The following WASF1 variants were observed in gnomAD, a reference collection of about 807,000 sequenced individuals.
WASF1 encodes actin-binding protein WASF1.
A neutral mutation model predicts 50.5 loss-of-function variants in WASF1; 7 were observed. The observed-to-expected ratio is 0.14, with a 90% CI of 0.08 to 0.26. The LOEUF is 0.26. Among genes scored for constraint, WASF1 ranks in the 10% least tolerant of loss-of-function variants. The pLI, the probability that WASF1 is intolerant of heterozygous loss-of-function variation, is 1.00. For missense variants in WASF1, 470 were observed against 694.7 expected (o/e 0.68, Z 3.64); for synonymous variants, 205 against 244.0 (o/e 0.84, Z 1.49).
At chr6:110,153,537 C>A (rs1043788701) in intron 3 of WASF1, among the ~76,000 whole-genome samples, 1 of 152,118 alleles carries the variant, frequency 6.6e-6, no homozygotes, top group African/African-American at 2.4e-5. Flanking sequence ...CATTGTCAAC[C>A]TTTTTAATTT....
chr6:110,123,944 G>A (rs1382781956), intron 4 of WASF1, among the ~76,000 whole-genome samples: 1 of 152,082 alleles, frequency 6.6e-6, no homozygotes, highest in Non-Finnish European at 1.5e-5. Context: ...CAGAATCCCA[G>A]TGGTTGTTAA....
intron 4 of WASF1, among the ~76,000 whole-genome samples, chr6:110,124,952 C>T (rs1318759507): frequency 2.0e-5 from 3 of 152,074 alleles, no homozygotes; most frequent in African/African-American, 7.2e-5. Flanking sequence ...AGGAAAAGGT[C>T]AGGAAGATAT....
chr6:110,172,848 A>G (rs6903407), intron 2 of WASF1, among the ~76,000 whole-genome samples: 2,938 of 152,174 alleles, frequency 0.019, 93 homozygotes, highest in African/African-American at 0.067. Flanking sequence ...ACACTATACT[A>G]AAAAGCCAGG....
intron 4 of WASF1, among the ~76,000 whole-genome samples, chr6:110,124,274 C>CTCTCTCTCTCTATATA (rs1331534646): frequency 9.8e-5 from 2 of 20,504 alleles, no homozygotes; most frequent in Non-Finnish European, 7.6e-5. Flanking sequence ...CTCTCTCTCT[C>CTCTCTCTCTCTATATA]TATATATATA....
At chr6:110,152,817 T>C (rs899309574) in intron 3 of WASF1, among the ~76,000 whole-genome samples, 2 of 152,126 alleles carry the variant, frequency 1.3e-5, no homozygotes, top group African/African-American at 2.4e-5. Context: ...TGGTGTAAAA[T>C]TTGATTAGGT....
At chr6:110,177,945 CAA>C (rs567334488) in intron 2 of WASF1, among the ~76,000 whole-genome samples, 12 of 127,784 alleles carry the variant, frequency 9.4e-5, no homozygotes, top group Middle Eastern at 4.5e-3. Flanking sequence ...CTTATATTTG[CAA>C]AAAAAAAAAA....
At chr6:110,148,790 T>A (rs1229893508) in intron 3 of WASF1, among the ~76,000 whole-genome samples, 1 of 152,052 alleles carries the variant, frequency 6.6e-6, no homozygotes, top group Non-Finnish European at 1.5e-5. Context: ...AGAAGATGAA[T>A]AAAGTAGTCC....
chr6:110,142,952 TAAA>T (rs5879060), intron 3 of WASF1, among the ~76,000 whole-genome samples: 1 of 119,146 alleles, frequency 8.4e-6, no homozygotes, highest in East Asian at 2.6e-4. Context: ...CCCAATGATG[TAAA>T]AAAAAAAAAA....
chr6:110,154,142 C>T (rs1004283920), intron 3 of WASF1, among the ~76,000 whole-genome samples: 16 of 152,152 alleles, frequency 1.1e-4, no homozygotes, highest in South Asian at 4.2e-4. Flanking sequence ...GCAAGGAAGA[C>T]GGACTCACAG....
rs971293696 is a variant in WASF1, at chr6:110,178,749, C to G, written c.-271-7G>C. ...ACCGAAGCTAGGGGGCATGCTGTAG[C>G]AAGGGGAAAAGAAAAATGGGAAAGG... is the stretch of plus-strand genomic sequence containing the variant. On this transcript the variant is annotated splice_region_variant and splice_polypyrimidine_tract_variant and intron_variant, in intron 1 of 10. Coordinates refer to ENST00000392589, the MANE Select transcript of WASF1 (RefSeq NM_003931.3). The G allele has an allele frequency of 6.6e-6, 1 of 152,642 alleles. No individual in the cohort carries two copies. The highest frequency in any genetic ancestry group is 1.5e-5 in the Non-Finnish European group (1 of 68,140). 9.5% of individuals were successfully genotyped at this position (152,642 alleles called of 1,614,324 possible).
chr6:110,107,270 T>C (rs1249100366), intron 6 of WASF1, 76 bp from the exon 7 acceptor site: 9 of 960,720 alleles, frequency 9.4e-6, no homozygotes, highest in African/African-American at 1.7e-5. Context: ...TTCACTAAAA[T>C]GTTTATCCTC....
chr6:110,164,754 T>G (rs767340017), intron 2 of WASF1, among the ~76,000 whole-genome samples: 5 of 151,634 alleles, frequency 3.3e-5, no homozygotes, highest in African/African-American at 4.8e-5. Context: ...ACATCGATGT[T>G]TTAGCAGTTT....
intron 4 of WASF1, among the ~76,000 whole-genome samples, chr6:110,122,153 A>G (rs558337032): frequency 2.0e-5 from 3 of 151,974 alleles, no homozygotes; most frequent in East Asian, 1.9e-4. Flanking sequence ...CCTGCACACT[A>G]TGCACATGTA....
chr6:110,122,347 TACA>T, intron 4 of WASF1, among the ~76,000 whole-genome samples: 1 of 152,244 alleles, frequency 6.6e-6, no homozygotes. Flanking sequence ...TGATTTATTT[TACA>T]ACGTGAACCC....
intron 3 of WASF1, among the ~76,000 whole-genome samples, chr6:110,134,207 C>CA (rs1416912247): frequency 6.6e-6 from 1 of 151,982 alleles, no homozygotes; most frequent in Non-Finnish European, 1.5e-5. Flanking sequence ...TGTATGCCAC[C>CA]ATGCTTGGCC....
intron 4 of WASF1, among the ~76,000 whole-genome samples, chr6:110,119,125 T>C (rs1164463211): frequency 7.9e-5 from 12 of 151,950 alleles, no homozygotes; most frequent in Admixed American, 7.2e-4. Flanking sequence ...AACATCACAA[T>C]TAAAAGAACT....
At chr6:110,124,268 C>A (rs1184501702) in intron 4 of WASF1, among the ~76,000 whole-genome samples, 43 of 59,194 alleles carry the variant, frequency 7.3e-4, no homozygotes, top group Non-Finnish European at 8.9e-4. Flanking sequence ...CTCTCTCTCT[C>A]TCTCTCTATA....
rs556036742 is a variant in WASF1 at position 110,172,015 on chromosome 6, T to A, written c.-127+6583A>T. On this transcript the variant is annotated intron_variant, in intron 2 of 10. Transcript: ENST00000392589. Reference sequence around the variant, plus strand: ...CTCACGCCAGTTAGAATGACAATCATTAAAAAGTCAGGAAACAACAGATGC... The same window carrying A: ...CTCACGCCAGTTAGAATGACAATCAATAAAAAGTCAGGAAACAACAGATGC... Among the ~76,000 whole-genome samples, 5 of 152,216 alleles carry A rather than the reference T, an allele frequency of 3.3e-5. No individual in the cohort carries two copies. In the East Asian group the frequency reaches 9.7e-4, roughly 29 times the overall value.
intron 3 of WASF1, among the ~76,000 whole-genome samples, chr6:110,132,946 G>A (rs1774755670): frequency 7.5e-6 from 1 of 133,438 alleles, no homozygotes; most frequent in Non-Finnish European, 1.5e-5. Flanking sequence ...GTGTTTGTGT[G>A]TGTATTCCAT....
Sources: gnomAD v4.1 joint callset for allele counts (sites outside exome capture counted in the v4.1 genomes callset) on GRCh38, gnomAD v4.1.1 for gene constraint, MANE v1.5 for transcripts, NCBI Gene and HGNC (gene_info 2026-07-23, HGNC 2026-07-21) for gene names.